NCEH1: variants seen among roughly 807,000 people sequenced by gnomAD.
NCEH1 encodes 2-acetyl MAGE hydrolase.
NCEH1 carries 9 observed loss-of-function variants against 25.4 expected under a neutral mutation model. That is an observed-to-expected ratio of 0.35 (90% CI 0.21 to 0.62). NCEH1 has a LOEUF of 0.62. Among genes scored for constraint, NCEH1 ranks in the 20% least tolerant of loss-of-function variants. The pLI, the probability that NCEH1 is intolerant of heterozygous loss-of-function variation, is 0.72. For missense variants in NCEH1, 412 were observed against 501.1 expected (o/e 0.82, Z 1.70); for synonymous variants, 200 against 199.8 (o/e 1.00, Z -0.01).
rs1015556590 is a variant in NCEH1 at position 172,630,398 on chromosome 3, T to C, written c.*3077A>G. 1.3e-5 allele frequency: 2 copies of C among 152,198 alleles called. No individual in the cohort carries two copies. Among genetic ancestry groups the C allele is most frequent in the Non-Finnish European group, 2.9e-5 (2 of 68,038 alleles). The allele number at this position is 152,198 out of a possible 1,614,324, so 9.4% of individuals were successfully genotyped here. A position where few individuals can be genotyped will look rare whatever the true frequency, so the allele number is the denominator to read the frequency against. ...AACATGTGTATTGAAGGTCCCAAAA[T>C]AGTCCCAGGGCCTGCCTGGCTTTTA... On this transcript the variant is annotated 3_prime_UTR_variant, in exon 5 of 5. Transcript: ENST00000475381.
intron 1 of NCEH1, among the ~76,000 whole-genome samples, chr3:172,701,418 C>G (rs1473925644): frequency 6.7e-6 from 1 of 149,136 alleles, no homozygotes; most frequent in Non-Finnish European, 1.5e-5. Flanking sequence ...ATGCTCTCAC[C>G]TGGATTAGTG....
intron 1 of NCEH1, among the ~76,000 whole-genome samples, chr3:172,695,273 G>C (rs1414980897): frequency 6.6e-6 from 1 of 152,158 alleles, no homozygotes; most frequent in Admixed American, 6.5e-5. Flanking sequence ...CTGCCATTAG[G>C]ACTAGAATTC....
intron 1 of NCEH1, among the ~76,000 whole-genome samples, chr3:172,698,849 G>A (rs932798674): frequency 6.6e-6 from 1 of 152,236 alleles, no homozygotes; most frequent in Admixed American, 6.5e-5. Flanking sequence ...GCACGTGGAA[G>A]CACAGGGCCT....
At chr3:172,681,426 C>T (rs1033067409) in intron 1 of NCEH1, among the ~76,000 whole-genome samples, 2 of 152,132 alleles carry the variant, frequency 1.3e-5, no homozygotes, top group Non-Finnish European at 1.5e-5. Flanking sequence ...ACACAATAAA[C>T]GTATCCAAAG....
chr3:172,687,877 A>G (rs1230251847), intron 1 of NCEH1, among the ~76,000 whole-genome samples: 1 of 152,260 alleles, frequency 6.6e-6, no homozygotes, highest in Non-Finnish European at 1.5e-5. Flanking sequence ...GTTTGATCAC[A>G]TCGTTTCATA....
intron 1 of NCEH1, among the ~76,000 whole-genome samples, chr3:172,664,909 C>G (rs1472089254): frequency 6.6e-6 from 1 of 152,154 alleles, no homozygotes; most frequent in Non-Finnish European, 1.5e-5. Flanking sequence ...CGAACATCCT[C>G]CTTTAGCTGG....
At chr3:172,665,294 T>G (rs1274447331) in intron 1 of NCEH1, among the ~76,000 whole-genome samples, 1 of 152,240 alleles carries the variant, frequency 6.6e-6, no homozygotes, top group Non-Finnish European at 1.5e-5. Flanking sequence ...CAGCAGAGGC[T>G]GCAGAACAGC....
intron 1 of NCEH1, among the ~76,000 whole-genome samples, chr3:172,678,425 T>A (rs896669799): frequency 6.6e-6 from 1 of 151,110 alleles, no homozygotes; most frequent in Non-Finnish European, 1.5e-5. Context: ...CAATGGAGTG[T>A]TTAAATCTAC....
intron 1 of NCEH1, among the ~76,000 whole-genome samples, chr3:172,662,719 T>G (rs1718025309): frequency 6.6e-6 from 1 of 152,364 alleles, no homozygotes; most frequent in Middle Eastern, 3.4e-3. Flanking sequence ...CAGGAATTTA[T>G]CCATTTCTTC....
chr3:172,650,745 G>T (rs1442808773), intron 1 of NCEH1, among the ~76,000 whole-genome samples: 1 of 140,724 alleles, frequency 7.1e-6, no homozygotes, highest in East Asian at 2.3e-4. Context: ...CCGGGAGGCA[G>T]ATGTTGCAGT....
chr3:172,636,534 A>C (rs1344767223), intron 3 of NCEH1, among the ~76,000 whole-genome samples: 1 of 152,242 alleles, frequency 6.6e-6, no homozygotes, highest in Non-Finnish European at 1.5e-5. Context: ...ACATTTAATG[A>C]GTCCATCATT....
At chr3:172,709,330 G>C (rs970293364) in intron 1 of NCEH1, among the ~76,000 whole-genome samples, 1 of 152,168 alleles carries the variant, frequency 6.6e-6, no homozygotes, top group Admixed American at 6.6e-5. Flanking sequence ...TATTGTAGTA[G>C]ACCATTAACC....
rs1560204999 is a variant in NCEH1, at chr3:172,690,858, A to T, written c.138+19989T>A. On this transcript the variant is annotated intron_variant, in intron 1 of 4. Coordinates refer to ENST00000475381, the MANE Select transcript of NCEH1 (RefSeq NM_020792.6). ...TTGTGTTAAGGTGAGATTATAGGTA[A>T]TTTTTTTTTCTATTTTCCAAAATTT... 4.0e-5 allele frequency among the ~76,000 whole-genome samples: 6 copies of T among 151,624 alleles called. No homozygotes were observed. The South Asian group carries it at 1.2e-3, about 32-fold the overall frequency.
intron 1 of NCEH1, among the ~76,000 whole-genome samples, chr3:172,701,617 T>G (rs1262282422): frequency 2.9e-5 from 1 of 34,692 alleles, no homozygotes. Flanking sequence ...GCCCAGCTAG[T>G]TTTTTTTTTT....
intron 1 of NCEH1, among the ~76,000 whole-genome samples, chr3:172,672,674 A>G (rs1711705183): frequency 6.6e-6 from 1 of 152,214 alleles, no homozygotes. Context: ...TCGGTCTTTT[A>G]TAATAGGGAC....
At chr3:172,661,579 C>T (rs1310390782) in intron 1 of NCEH1, among the ~76,000 whole-genome samples, 2 of 152,170 alleles carry the variant, frequency 1.3e-5, no homozygotes, top group African/African-American at 4.8e-5. Flanking sequence ...GCCATTTTCA[C>T]AATATTGATT....
At chr3:172,645,087 AT>A (rs1160021309) in intron 3 of NCEH1, among the ~76,000 whole-genome samples, 1 of 152,194 alleles carries the variant, frequency 6.6e-6, no homozygotes, top group Non-Finnish European at 1.5e-5. Flanking sequence ...CAAAATTATT[AT>A]AATTATTATT....
At chr3:172,694,406 G>C (rs1713247347) in intron 1 of NCEH1, among the ~76,000 whole-genome samples, 2 of 151,972 alleles carry the variant, frequency 1.3e-5, no homozygotes, top group Non-Finnish European at 2.9e-5. Flanking sequence ...GTGTGTGTGT[G>C]TGTGTGTGTA....
intron 1 of NCEH1, among the ~76,000 whole-genome samples, chr3:172,654,922 G>A (rs1408617355): frequency 6.6e-6 from 1 of 152,160 alleles, no homozygotes; most frequent in Non-Finnish European, 1.5e-5. Flanking sequence ...TTATCTGCAT[G>A]AAAATATGAG....
Sources: gnomAD v4.1 joint callset for allele counts (sites outside exome capture counted in the v4.1 genomes callset) on GRCh38, gnomAD v4.1.1 for gene constraint, MANE v1.5 for transcripts, NCBI Gene and HGNC (gene_info 2026-07-23, HGNC 2026-07-21) for gene names.